The following SLC35F2 variants were observed in gnomAD, a reference collection of about 807,000 sequenced individuals.
SLC35F2 encodes the protein solute carrier family 35 member F2, also known as queuine/queuosine transporter SLC35F2.
A neutral mutation model predicts 38.1 loss-of-function variants in SLC35F2; 25 were observed. The ratio of observed to expected loss-of-function variants is 0.66; its 90% CI spans 0.48 to 0.92. SLC35F2 has a LOEUF of 0.92. Ranked by LOEUF, SLC35F2 falls within the 40% of genes least tolerant of loss-of-function variation. SLC35F2 has a pLI of 0.00. For missense variants in SLC35F2, 409 were observed against 452.9 expected (o/e 0.90, Z 0.88); for synonymous variants, 173 against 181.7 (o/e 0.95, Z 0.38).
At chr11:107,846,206 T>C (rs1860102351) in intron 1 of SLC35F2, among the ~76,000 whole-genome samples, 1 of 132,214 alleles carries the variant, frequency 7.6e-6, no homozygotes, top group Non-Finnish European at 1.7e-5. Flanking sequence ...GAGATATGAT[T>C]GGTAACAGAA....
chr11:107,800,918 T>C (rs1385837196), intron 7 of SLC35F2, among the ~76,000 whole-genome samples: 8 of 149,500 alleles, frequency 5.4e-5, no homozygotes, highest in Non-Finnish European at 1.2e-4. Flanking sequence ...TTTTTTTTTT[T>C]TTTTTTTGAG....
intron 1 of SLC35F2, among the ~76,000 whole-genome samples, chr11:107,831,126 C>A (rs1404453515): frequency 6.6e-6 from 1 of 152,012 alleles, no homozygotes; most frequent in South Asian, 2.1e-4. Flanking sequence ...AAAATGCCAC[C>A]GGAGAAAGCT....
At chr11:107,795,807 CA>C (rs1359350807) in intron 7 of SLC35F2, among the ~76,000 whole-genome samples, 1 of 152,040 alleles carries the variant, frequency 6.6e-6, no homozygotes, top group African/African-American at 2.4e-5. Flanking sequence ...ATTAAAAAGT[CA>C]AAAAATAACA....
chr11:107,858,587 G>A, intron 1 of SLC35F2, 71 bp downstream of exon 1: 4 of 1,219,710 alleles, frequency 3.3e-6, no homozygotes, highest in East Asian at 3.1e-5. Context: ...TGTGCTCCTT[G>A]TCCACGTGCG....
At chr11:107,811,853 A>G (rs1287547848) in intron 2 of SLC35F2, 59 bp from the exon 3 acceptor site, 1 of 1,459,224 alleles carries the variant, frequency 6.9e-7, no homozygotes, top group East Asian at 2.3e-5. Context: ...ATACATGTTG[A>G]TTTGAAGATA....
intron 6 of SLC35F2, among the ~76,000 whole-genome samples, chr11:107,804,359 T>C (rs2305282): frequency 0.15 from 22,892 of 152,006 alleles, 2,795 homozygotes; most frequent in East Asian, 0.43. Flanking sequence ...ACACCATTGA[T>C]GATTCAGGTT....
At chr11:107,856,702 A>G (rs962532991) in intron 1 of SLC35F2, among the ~76,000 whole-genome samples, 1 of 149,262 alleles carries the variant, frequency 6.7e-6, no homozygotes, top group Admixed American at 6.6e-5. Context: ...GTCAGGAAGG[A>G]AGGTGACAGA....
intron 1 of SLC35F2, among the ~76,000 whole-genome samples, chr11:107,831,107 CA>C (rs1325842029): frequency 6.6e-5 from 10 of 152,032 alleles, no homozygotes; most frequent in African/African-American, 2.2e-4. Flanking sequence ...ACAATTGCTG[CA>C]AAGGTAAAAA....
intron 1 of SLC35F2, among the ~76,000 whole-genome samples, chr11:107,845,950 CATAAATAAATAAATAA>C (rs57548679): frequency 4.9e-5 from 7 of 142,852 alleles, no homozygotes; most frequent in Non-Finnish European, 9.1e-5. Context: ...GAGATTCTGT[CATAAATAAATAAATAA>C]ATAAATAAAT....
intron 1 of SLC35F2, among the ~76,000 whole-genome samples, chr11:107,855,386 C>T (rs1860260579): frequency 6.6e-6 from 1 of 152,160 alleles, no homozygotes; most frequent in Non-Finnish European, 1.5e-5. Context: ...AGGCGTGTGG[C>T]TCACACCTGT....
At chr11:107,855,651 T>TA (rs879789945) in intron 1 of SLC35F2, among the ~76,000 whole-genome samples, 132 of 133,690 alleles carry the variant, frequency 9.9e-4, no homozygotes, top group Middle Eastern at 4.0e-3. Context: ...AAACTCTGTC[T>TA]AAAAAAAAAA....
intron 3 of SLC35F2, chr11:107,810,929 C>G: frequency 8.2e-6 from 8 of 975,012 alleles, no homozygotes; most frequent in Non-Finnish European, 9.7e-6. Flanking sequence ...CTTCAAATCC[C>G]ACATCTGATA....
chr11:107,845,521 C>T (rs1367762069), intron 1 of SLC35F2, among the ~76,000 whole-genome samples: 1 of 150,720 alleles, frequency 6.6e-6, no homozygotes, highest in Non-Finnish European at 1.5e-5. Context: ...ACCCCATCTC[C>T]AAAAAACAAG....
chr11:107,845,624 T>G (rs1232151371), intron 1 of SLC35F2, among the ~76,000 whole-genome samples: 18 of 151,996 alleles, frequency 1.2e-4, no homozygotes, highest in Admixed American at 1.2e-3. Flanking sequence ...ATAACCAAGT[T>G]TTTGTGACAC....
chr11:107,823,316 T>A, intron 1 of SLC35F2: 8 of 567,114 alleles, frequency 1.4e-5, no homozygotes, highest in Non-Finnish European at 1.3e-5. Flanking sequence ...GAATGCAAAT[T>A]ATGCATTCCC....
intron 1 of SLC35F2, among the ~76,000 whole-genome samples, chr11:107,832,040 ATT>A (rs149644022): frequency 6.6e-6 from 1 of 150,702 alleles, no homozygotes; most frequent in African/African-American, 2.4e-5. Context: ...TTGGCAAAAT[ATT>A]TTTTTTTTCT....
At chr11:107,794,832 A>T (rs2134755581) in intron 7 of SLC35F2, among the ~76,000 whole-genome samples, 1 of 152,366 alleles carries the variant, frequency 6.6e-6, no homozygotes, top group Admixed American at 6.5e-5. Context: ...TAGCTCTTAG[A>T]TCTGATCAAT....
At chr11:107,810,033 G>A in intron 3 of SLC35F2, 1 of 985,346 alleles carries the variant, frequency 1.0e-6, no homozygotes, top group Non-Finnish European at 1.2e-6. Context: ...ACCTTCTAAG[G>A]AATCCTTAAG....
chr11:107,856,181 T>C (rs896813617), intron 1 of SLC35F2, among the ~76,000 whole-genome samples: 1 of 150,650 alleles, frequency 6.6e-6, no homozygotes, highest in African/African-American at 2.4e-5. Flanking sequence ...TTGTTAAACA[T>C]ACATCTTGCC....
Sources: allele counts gnomAD v4.1 joint callset (sites outside exome capture counted in the v4.1 genomes callset), GRCh38; gene constraint gnomAD v4.1.1; transcripts MANE v1.5; gene names NCBI Gene and HGNC (gene_info 2026-07-23, HGNC 2026-07-21).